SPIRE2: variants seen among roughly 807,000 people sequenced by gnomAD.
SPIRE2 encodes spire type actin nucleation factor 2, also known as protein spire homolog 2.
In SPIRE2, 76 loss-of-function variants were observed where a neutral mutation model predicts 80.7. The observed-to-expected ratio is 0.94, with a 90% CI of 0.78 to 1.14. The LOEUF is 1.14. SPIRE2 is among the 50% of genes most tolerant of loss of function. The pLI, the probability that SPIRE2 is intolerant of heterozygous loss-of-function variation, is 0.00. For missense variants in SPIRE2, 1,196 were observed against 1,015.3 expected (o/e 1.18, Z -2.42); for synonymous variants, 535 against 432.6 (o/e 1.24, Z -2.94).
chr16:89,866,047 G>A (rs531918622), intron 12 of SPIRE2, among the ~76,000 whole-genome samples: 2 of 151,944 alleles, frequency 1.3e-5, no homozygotes, highest in East Asian at 3.9e-4. Context: ...ACTTTGGGAG[G>A]CTGAGGTGGG....
chr16:89,833,585 T>A (rs1383242760), intron 1 of SPIRE2, among the ~76,000 whole-genome samples: 1 of 152,234 alleles, frequency 6.6e-6, no homozygotes, highest in Non-Finnish European at 1.5e-5. Context: ...CTGCTGGGCT[T>A]GAGAAGCTTC....
intron 1 of SPIRE2, among the ~76,000 whole-genome samples, chr16:89,833,847 C>T (rs924274088): frequency 4.6e-5 from 7 of 152,118 alleles, no homozygotes; most frequent in Admixed American, 2.0e-4. Context: ...TCCTCCGGGG[C>T]GTGTTTCCCT....
At chr16:89,834,765 G>T (rs1345151262) in intron 1 of SPIRE2, among the ~76,000 whole-genome samples, 1 of 106,834 alleles carries the variant, frequency 9.4e-6, no homozygotes, top group Admixed American at 9.4e-5. Context: ...GTTGGCCATC[G>T]TAGAAGTGTG....
At chr16:89,840,423 A>G (rs906326591) in intron 1 of SPIRE2, among the ~76,000 whole-genome samples, 30 of 146,880 alleles carry the variant, frequency 2.0e-4, no homozygotes, top group African/African-American at 6.1e-4. Context: ...CTAATTTTTT[A>G]GATTTTTAGT....
chr16:89,847,596 C>T (rs540643765), intron 2 of SPIRE2, among the ~76,000 whole-genome samples: 2 of 152,290 alleles, frequency 1.3e-5, no homozygotes, highest in Admixed American at 6.5e-5. Context: ...CCAGGAAAGA[C>T]GGCAAAGGAG....
At chr16:89,860,617 TG>T (rs2041734340) in intron 9 of SPIRE2, 65 bp from the exon 10 acceptor site, 2 of 1,131,786 alleles carry the variant, frequency 1.8e-6, no homozygotes, top group Non-Finnish European at 2.6e-6. Context: ...TATCATCCCC[TG>T]GGCACAGTCC....
In SPIRE2 at chr16:89,855,687, G is replaced by T; in HGVS notation, c.978+1G>T. The T allele has an allele frequency of 6.2e-7, 1 of 1,612,676 alleles. No homozygotes were observed. Among genetic ancestry groups the T allele is most frequent in the Non-Finnish European group, 8.5e-7 (1 of 1,179,886 alleles). On this transcript the variant is annotated splice_donor_variant, in intron 6 of 14. Coordinates refer to ENST00000378247, the MANE Select transcript of SPIRE2 (RefSeq NM_032451.2). LOFTEE classifies it high-confidence loss of function. ...CCGCTCACGGCCTCCACTGAAGCAG[G>T]TGCTGCCCCAGCCTCCTCCTCCTCA...
At chr16:89,855,570 A>G in intron 5 of SPIRE2, 30 bp from the exon 6 acceptor site, 1 of 1,602,792 alleles carries the variant, frequency 6.2e-7, no homozygotes, top group Non-Finnish European at 8.5e-7. Flanking sequence ...TGGTCCCTGC[A>G]GGGCCTCAGA....
intron 1 of SPIRE2, among the ~76,000 whole-genome samples, chr16:89,837,621 G>A (rs1445225873): frequency 6.6e-6 from 1 of 152,210 alleles, no homozygotes. Flanking sequence ...CAGGAGCGGA[G>A]AAGCGGGGGA....
Position 89,869,655 on chromosome 16 carries a change from C to T in SPIRE2, c.1895C>T (p.Ala632Val), listed in dbSNP as rs762879071. 24 of 1,613,940 alleles carry T rather than the reference C, an allele frequency of 1.5e-5. No individual in the cohort carries two copies. Among genetic ancestry groups the T allele is most frequent in the Middle Eastern group, 1.6e-4 (1 of 6,084 alleles). Residue 632 changes from alanine (A) to valine (V), a missense_variant, in exon 14 of 15, where the codon GCG becomes GTG. Coordinates refer to ENST00000378247, the MANE Select transcript of SPIRE2 (RefSeq NM_032451.2). ...CAGAGGGTATCAGCTGCCAAAACCG[C>T]GCCAATCCAGAGAAGAGACATCTTT... Reference protein sequence around the residue: ...SPQRVSAAKTAPIQRRDIFQS... With the variant: ...SPQRVSAAKTVPIQRRDIFQS...
intron 7 of SPIRE2, 65 bp downstream of exon 7, chr16:89,856,301 G>A (rs1468402140): frequency 4.6e-6 from 7 of 1,508,858 alleles, no homozygotes; most frequent in Non-Finnish European, 6.2e-6. Context: ...CCATTCCCCT[G>A]GTCAGGTTGC....
At position 89,859,304 on chromosome 16, in the gene SPIRE2, G is replaced by A. The variant is rs540812206; in HGVS notation, c.1412G>A (p.Arg471Gln). The change falls in exon 9 of 15, where the codon CGG becomes CAG. Residue 471 changes from arginine (R) to glutamine (Q), a missense_variant. By Grantham distance (43) the Arg-to-Gln change is conservative. Coordinates refer to ENST00000378247, the MANE Select transcript of SPIRE2 (RefSeq NM_032451.2). ...CCCCCAGGAGGGACGGAGCCACCACGGCCCCGAGCTGGCAGTGCGCATGTG... is the reference window on the plus strand; with the variant it reads ...CCCCCAGGAGGGACGGAGCCACCACAGCCCCGAGCTGGCAGTGCGCATGTG... ...THPPGGTEPP[R>Q]PRAGSAHVWR... is the part of the protein sequence containing the mutation. The A allele has an allele frequency of 1.5e-5, 24 of 1,596,642 alleles. No individual in the cohort carries two copies. Among genetic ancestry groups the A allele is most frequent in the African/African-American group, 9.4e-5 (7 of 74,436 alleles).
At chr16:89,861,560 C>G (rs2041744943) in intron 10 of SPIRE2, among the ~76,000 whole-genome samples, 1 of 152,198 alleles carries the variant, frequency 6.6e-6, no homozygotes, top group South Asian at 2.1e-4. Context: ...ATCACTGCAT[C>G]AAAAGTTACC....
Position 89,850,867 on chromosome 16 carries a change from A to G in SPIRE2, c.645+207A>G, listed in dbSNP as rs13330551. Among the ~76,000 whole-genome samples, 325 of 151,502 alleles carry G rather than the reference A, an allele frequency of 2.1e-3. 2 individuals carry two copies. Among genetic ancestry groups the G allele is most frequent in the African/African-American group, 7.6e-3 (313 of 41,228 alleles). On this transcript the variant is annotated intron_variant, in intron 3 of 14. Coordinates refer to ENST00000378247, the MANE Select transcript of SPIRE2 (RefSeq NM_032451.2). ...TTGTTGTTTTTTTAGACAGGGTCTC[A>G]CTCTGTCACCCAGGCTGGAGGGGTA... is the stretch of plus-strand genomic sequence containing the variant.
chr16:89,863,372 G>A lies in SPIRE2; in HGVS notation c.1576-104G>A, dbSNP rs1488115309. ...TGGACAGCGTTTTAGAAGGTCGCAG[G>A]CTTGTTTAGGCTGAGGCCAGGGAGG... On this transcript the variant is annotated intron_variant, in intron 10 of 14. Coordinates refer to ENST00000378247, the MANE Select transcript of SPIRE2 (RefSeq NM_032451.2). The surrounding 1 kb of genome is among the most constrained non-coding windows in gnomAD (Gnocchi z 4.3). 6 of 1,325,630 alleles carry A rather than the reference G, an allele frequency of 4.5e-6. No homozygotes were observed. In the African/African-American group the frequency reaches 5.9e-5, roughly 13 times the overall value. 82.1% of individuals were successfully genotyped at this position (1,325,630 alleles called of 1,614,324 possible).
chr16:89,854,695 G>T (rs374572901), intron 5 of SPIRE2, 44 bp downstream of exon 5: 1 of 1,591,862 alleles, frequency 6.3e-7, no homozygotes, highest in African/African-American at 1.4e-5. Context: ...TGCAGAGGTC[G>T]TGGTGAGCGG....
intron 1 of SPIRE2, among the ~76,000 whole-genome samples, 200 bp from the exon 2 acceptor site, chr16:89,845,122 C>A (rs1484220688): frequency 6.6e-6 from 1 of 152,168 alleles, no homozygotes; most frequent in African/African-American, 2.4e-5. Context: ...ACCTGGGTGT[C>A]CTGCTTAGAG....
chr16:89,868,264 G>C lies in SPIRE2; in HGVS notation c.1806+48G>C, dbSNP rs758357241. On this transcript the variant is annotated intron_variant, in intron 13 of 14. Coordinates refer to ENST00000378247, the MANE Select transcript of SPIRE2 (RefSeq NM_032451.2). ...GGGGTCTGAGCAAGGCAGATGAGGG[G>C]CTCCACTGGCTTTGATTGGATGTGT... 4 of 1,591,766 alleles carry C rather than the reference G, an allele frequency of 2.5e-6. No individual in the cohort carries two copies. In the Admixed American group the frequency reaches 6.8e-5, roughly 27 times the overall value.
chr16:89,856,466 A>G (rs1195238250), intron 7 of SPIRE2, among the ~76,000 whole-genome samples: 1 of 151,954 alleles, frequency 6.6e-6, no homozygotes, highest in Non-Finnish European at 1.5e-5. Context: ...TTTGTTTGAG[A>G]TGGAGTCTTG....
Sources: allele counts gnomAD v4.1 joint callset (sites outside exome capture counted in the v4.1 genomes callset), GRCh38; gene constraint gnomAD v4.1.1; non-coding constraint Gnocchi (gnomAD v3.1); transcripts MANE v1.5; gene names NCBI Gene and HGNC (gene_info 2026-07-23, HGNC 2026-07-21).